Variants in QTMAN observed in about 807,000 individuals in gnomAD.
QTMAN encodes the protein queuosine-tRNA mannosyltransferase.
the QTMAN span, among the ~76,000 whole-genome samples, chr2:144,295,534 C>T: frequency 4.6e-5 from 7 of 152,146 alleles, no homozygotes; most frequent in Non-Finnish European, 1.5e-5. Flanking sequence ...TATTTCTCTA[C>T]CAGAAGTGAT....
the QTMAN span, among the ~76,000 whole-genome samples, chr2:144,175,518 T>A: frequency 2.4e-4 from 37 of 152,132 alleles, no homozygotes; most frequent in African/African-American, 8.7e-4. Flanking sequence ...ATCCCTACCC[T>A]CCAAATAAGG....
chr2:144,059,705 A>G, the QTMAN span, among the ~76,000 whole-genome samples: 1 of 152,256 alleles, frequency 6.6e-6, no homozygotes, highest in Non-Finnish European at 1.5e-5. Flanking sequence ...CACTAAGACA[A>G]GGCCATCCCC....
At chr2:143,993,794 T>C in the QTMAN span, among the ~76,000 whole-genome samples, 3 of 152,126 alleles carry the variant, frequency 2.0e-5, no homozygotes, top group Non-Finnish European at 2.9e-5. Context: ...GAAGCAAATA[T>C]AGTGTTCAAG....
the QTMAN span, among the ~76,000 whole-genome samples, chr2:144,040,375 CTTAAT>C: frequency 1.3e-4 from 20 of 151,932 alleles, no homozygotes; most frequent in East Asian, 1.9e-4. Context: ...GCTTGACTCT[CTTAAT>C]TTATTTCACC....
chr2:144,177,319 G>A, the QTMAN span: 23 of 606,760 alleles, frequency 3.8e-5, no homozygotes, highest in South Asian at 2.3e-4. Context: ...TTTCATAGCC[G>A]AAGACTATGA....
At chr2:143,959,027 T>G in the QTMAN span, among the ~76,000 whole-genome samples, 1 of 152,032 alleles carries the variant, frequency 6.6e-6, no homozygotes, top group East Asian at 1.9e-4. Flanking sequence ...CTCATCTAAA[T>G]CCAACATTTA....
At chr2:144,313,568 T>TA in the QTMAN span, among the ~76,000 whole-genome samples, 1 of 152,132 alleles carries the variant, frequency 6.6e-6, no homozygotes, top group African/African-American at 2.4e-5. Context: ...AATTTTACCT[T>TA]AAAGATTAGT....
the QTMAN span, among the ~76,000 whole-genome samples, chr2:143,961,306 TC>T: frequency 6.6e-6 from 1 of 152,116 alleles, no homozygotes; most frequent in Non-Finnish European, 1.5e-5. Flanking sequence ...TCCCCCATAG[TC>T]TTTTACTGGG....
At chr2:144,326,334 T>A in the QTMAN span, among the ~76,000 whole-genome samples, 2 of 152,110 alleles carry the variant, frequency 1.3e-5, no homozygotes, top group African/African-American at 4.8e-5. Flanking sequence ...ACGCCTGTAA[T>A]CCCAGCACTT....
chr2:144,332,808 T>C, the QTMAN span, among the ~76,000 whole-genome samples: 2 of 152,186 alleles, frequency 1.3e-5, no homozygotes, highest in African/African-American at 2.4e-5. Context: ...GTCAGCACCC[T>C]GTCCGCCCTT....
the QTMAN span, among the ~76,000 whole-genome samples, chr2:144,153,069 T>A: frequency 6.6e-6 from 1 of 152,010 alleles, no homozygotes; most frequent in Non-Finnish European, 1.5e-5. Context: ...TCAGTGCTAT[T>A]TGAATTAGTC....
At chr2:144,311,598 T>G in the QTMAN span, among the ~76,000 whole-genome samples, 1 of 152,326 alleles carries the variant, frequency 6.6e-6, no homozygotes, top group African/African-American at 2.4e-5. Flanking sequence ...TGAATGAGAA[T>G]TACTTCTCAG....
At chr2:144,089,304 G>T in the QTMAN span, among the ~76,000 whole-genome samples, 1 of 151,858 alleles carries the variant, frequency 6.6e-6, no homozygotes, top group South Asian at 2.1e-4. Context: ...AGTGAAGTTG[G>T]CAAGGAAGCA....
chr2:143,964,495 T>A, the QTMAN span, among the ~76,000 whole-genome samples: 1 of 152,198 alleles, frequency 6.6e-6, no homozygotes, highest in South Asian at 2.1e-4. Context: ...AATACATTAG[T>A]AGCTTTCCTT....
chr2:143,951,893 T>C, the QTMAN span: 25 of 689,126 alleles, frequency 3.6e-5, no homozygotes, highest in Admixed American at 7.1e-5. Flanking sequence ...CTTTAAACAT[T>C]AGTATGTTAA....
chr2:144,081,203 G>T, the QTMAN span, among the ~76,000 whole-genome samples: 1 of 152,120 alleles, frequency 6.6e-6, no homozygotes, highest in Non-Finnish European at 1.5e-5. Context: ...TTTCAGGTGG[G>T]TACTGAAGGA....
At chr2:144,215,685 T>C in the QTMAN span, among the ~76,000 whole-genome samples, 3 of 152,216 alleles carry the variant, frequency 2.0e-5, no homozygotes, top group African/African-American at 7.2e-5. Context: ...TTCGTTCTAC[T>C]GAATACTACA....
chr2:144,263,173 ATT>A, the QTMAN span, among the ~76,000 whole-genome samples: 1 of 141,058 alleles, frequency 7.1e-6, no homozygotes, highest in Admixed American at 7.1e-5. Context: ...TCCCTCTTTC[ATT>A]TTTTTTTTTT....
At chr2:144,103,160 C>T in the QTMAN span, among the ~76,000 whole-genome samples, 1 of 152,272 alleles carries the variant, frequency 6.6e-6, no homozygotes, top group South Asian at 2.1e-4. Context: ...TATAGAAACC[C>T]CTTACTAACA....
Sources: gnomAD v4.1 joint callset for allele counts (sites outside exome capture counted in the v4.1 genomes callset) on GRCh38, gnomAD v4.1.1 for gene constraint, MANE v1.5 for transcripts, NCBI Gene and HGNC (gene_info 2026-07-23, HGNC 2026-07-21) for gene names.